The following ZNF654 variants were observed in gnomAD, a reference collection of about 807,000 sequenced individuals.
ZNF654 encodes the protein melanoma-associated antigen.
ZNF654 carries 19 observed loss-of-function variants against 95.3 expected under a neutral mutation model. The ratio of observed to expected loss-of-function variants is 0.20; its 90% CI spans 0.14 to 0.29. The LOEUF is 0.29. Ranked by LOEUF, ZNF654 falls within the 10% of genes least tolerant of loss-of-function variation. ZNF654 has a pLI of 1.00. For synonymous variants in ZNF654, 413 were observed against 457.9 expected (o/e 0.90, Z 1.25); for missense variants, 1,046 against 1,341.0 (o/e 0.78, Z 3.44).
chr3:88,064,312 TTA>T (rs2107590939), intron 1 of ZNF654, among the ~76,000 whole-genome samples: 1 of 152,316 alleles, frequency 6.6e-6, no homozygotes, highest in African/African-American at 2.4e-5. Flanking sequence ...AGGGACTATC[TTA>T]CTGTCTCACT....
At chr3:88,060,098 C>T (rs560074589) in intron 1 of ZNF654, among the ~76,000 whole-genome samples, 1 of 152,048 alleles carries the variant, frequency 6.6e-6, no homozygotes, top group Non-Finnish European at 1.5e-5. Context: ...ACAGAGAGTG[C>T]GTTAAGGCAA....
chr3:88,129,321 T>TAAAA (rs11370327), intron 5 of ZNF654, among the ~76,000 whole-genome samples: 3 of 76,926 alleles, frequency 3.9e-5, no homozygotes, highest in Non-Finnish European at 4.8e-5. Flanking sequence ...TTGCCAGGAG[T>TAAAA]AAAAAAAAAA....
chr3:88,093,730 C>G (rs989509850), intron 2 of ZNF654, among the ~76,000 whole-genome samples: 9 of 152,224 alleles, frequency 5.9e-5, no homozygotes, highest in African/African-American at 2.2e-4. Context: ...AGCCTAACTT[C>G]AGTCTCTACT....
chr3:88,084,548 A>T (rs570399741), intron 1 of ZNF654, among the ~76,000 whole-genome samples: 1 of 152,320 alleles, frequency 6.6e-6, no homozygotes, highest in South Asian at 2.1e-4. Context: ...CAGACGAGAT[A>T]CAAGTTCAGA....
At chr3:88,102,817 CTTTTTTTTT>C (rs10701359) in intron 2 of ZNF654, among the ~76,000 whole-genome samples, 4 of 106,532 alleles carry the variant, frequency 3.8e-5, no homozygotes, top group Admixed American at 1.1e-4. Context: ...CCTCTACTGT[CTTTTTTTTT>C]TTTTTTTTTT....
Position 88,142,574 on chromosome 3 carries a change from AG to A in ZNF654, c.*923del, listed in dbSNP as rs143826055. 0.06 allele frequency: 9,177 copies of A among 152,388 alleles called. 801 individuals are homozygous for A. Among genetic ancestry groups the A allele is most frequent in the African/African-American group, 0.19 (7,938 of 41,460 alleles). 9.4% of individuals were successfully genotyped at this position (152,388 alleles called of 1,614,324 possible). On this transcript the variant is annotated 3_prime_UTR_variant, in exon 9 of 9. Coordinates refer to ENST00000636215, the MANE Select transcript of ZNF654 (RefSeq NM_001350134.2). ...GTTGGGACATTGCTTGATGATTCAT[AG>A]TAAGGTCCTTTAGACATTAATGTGA...
rs1706702390 is a variant in ZNF654, at chr3:88,059,388, C to A, written c.69C>A (p.Ser23=). 1 of 1,535,374 alleles carries A rather than the reference C, an allele frequency of 6.5e-7. No homozygotes were observed. The highest frequency in any genetic ancestry group is 1.4e-5 in the African/African-American group (1 of 73,120). The change falls in exon 1 of 9, where the codon TCC becomes TCA. Residue 23 remains serine, a synonymous_variant. Coordinates refer to ENST00000636215, the MANE Select transcript of ZNF654 (RefSeq NM_001350134.2). ...LGEELVAIVE[S]PLGPVGLRAA... ...AAGAGCTTGTGGCCATTGTGGAGTC[C>A]CCGCTGGGCCCTGTGGGGCTTAGAG...
intron 1 of ZNF654, among the ~76,000 whole-genome samples, chr3:88,083,793 T>C (rs1367606958): frequency 6.6e-6 from 1 of 152,056 alleles, no homozygotes; most frequent in Admixed American, 6.6e-5. Flanking sequence ...GGCAACCTAC[T>C]AGAATACCAA....
chr3:88,059,792 C>T (rs1706745972), intron 1 of ZNF654, among the ~76,000 whole-genome samples: 3 of 152,058 alleles, frequency 2.0e-5, no homozygotes, highest in South Asian at 4.1e-4. Flanking sequence ...CCTGACATGC[C>T]TTCCCTACCC....
chr3:88,073,096 TG>T (rs1471428668), intron 1 of ZNF654, among the ~76,000 whole-genome samples: 1 of 152,204 alleles, frequency 6.6e-6, no homozygotes, highest in East Asian at 1.9e-4. Flanking sequence ...AGTAGTTAAT[TG>T]ATTAGAAATA....
Position 88,139,751 on chromosome 3 carries a change from T to A in ZNF654, c.2082T>A (p.Thr694=). ...NSLNNVFKPL[T]ECGDDYEEEE... is the part of the protein sequence containing the mutation. ...TAAATAATGTTTTCAAGCCTTTAAC[T>A]GAATGTGGGGATGATTATGAGGAGG... Residue 694 remains threonine (T), a synonymous_variant, in exon 8 of 9, where the codon ACT becomes ACA. Coordinates refer to ENST00000636215, the MANE Select transcript of ZNF654 (RefSeq NM_001350134.2). 1 of 1,554,816 alleles carries A rather than the reference T, an allele frequency of 6.4e-7. No individual in the cohort carries two copies. The highest frequency in any genetic ancestry group is 8.7e-7 in the Non-Finnish European group (1 of 1,148,450).
chr3:88,105,784 C>CT (rs1027073374), intron 2 of ZNF654, among the ~76,000 whole-genome samples: 6 of 152,098 alleles, frequency 3.9e-5, no homozygotes, highest in South Asian at 2.1e-4. Flanking sequence ...GTTTGAATAT[C>CT]TTTTTTTCAT....
chr3:88,104,672 C>T (rs1354702807), intron 2 of ZNF654, among the ~76,000 whole-genome samples: 2 of 152,134 alleles, frequency 1.3e-5, no homozygotes, highest in South Asian at 2.1e-4. Context: ...TTTGTAAACT[C>T]TAGAGTAACC....
In ZNF654 at chr3:88,059,641, C is replaced by T. The variant is rs73844841; in HGVS notation, c.186+136C>T. 548 of 1,310,870 alleles carry T rather than the reference C, an allele frequency of 4.2e-4. 2 individuals are homozygous for T. In the African/African-American group the frequency reaches 7.8e-3, roughly 19 times the overall value. 81.2% of individuals were successfully genotyped at this position (1,310,870 alleles called of 1,614,324 possible). A position where few individuals can be genotyped will look rare whatever the true frequency, so the allele number is the denominator to read the frequency against. ...AACAAGGAGGGTGAGGCTGAAGCTC[C>T]CTCCTCCACTTATCCGGCTTGGGGT... On this transcript the variant is annotated intron_variant, in intron 1 of 8. Coordinates refer to ENST00000636215, the MANE Select transcript of ZNF654 (RefSeq NM_001350134.2).
chr3:88,097,177 G>A (rs571037293), intron 2 of ZNF654, among the ~76,000 whole-genome samples: 1 of 152,174 alleles, frequency 6.6e-6, no homozygotes, highest in Non-Finnish European at 1.5e-5. Context: ...TATCTTAGAT[G>A]TATCCTAGGA....
chr3:88,136,211 GAATCTTATTGGTACCAAA>G (rs1352397942), intron 7 of ZNF654, among the ~76,000 whole-genome samples: 2 of 152,050 alleles, frequency 1.3e-5, no homozygotes, highest in Non-Finnish European at 2.9e-5. Flanking sequence ...TTGTACATAT[GAATCTTATTGGTACCAAA>G]AATTGAGATA....
intron 3 of ZNF654, among the ~76,000 whole-genome samples, chr3:88,118,538 T>C (rs1308264174): frequency 6.6e-6 from 1 of 152,106 alleles, no homozygotes; most frequent in Non-Finnish European, 1.5e-5. Flanking sequence ...ATGAAGACGT[T>C]TAGAACTACT....
intron 6 of ZNF654, among the ~76,000 whole-genome samples, chr3:88,132,714 C>T (rs1027665663): frequency 2.0e-5 from 3 of 152,168 alleles, no homozygotes; most frequent in Admixed American, 6.6e-5. Context: ...GAAGTATATG[C>T]CAGACACTTC....
At chr3:88,076,967 GC>G (rs1194395549) in intron 1 of ZNF654, among the ~76,000 whole-genome samples, 4 of 152,142 alleles carry the variant, frequency 2.6e-5, no homozygotes, top group Non-Finnish European at 5.9e-5. Context: ...ATTAACCTTG[GC>G]CAGGAGCTGA....
Sources: allele counts gnomAD v4.1 joint callset (sites outside exome capture counted in the v4.1 genomes callset), GRCh38; gene constraint gnomAD v4.1.1; transcripts MANE v1.5; gene names NCBI Gene and HGNC (gene_info 2026-07-23, HGNC 2026-07-21).